The following ZMAT3 variants were observed in gnomAD, a reference collection of about 807,000 sequenced individuals.
ZMAT3 encodes the protein zinc finger matrin-type protein 3.
In ZMAT3, 17 loss-of-function variants were observed where a neutral mutation model predicts 32.3. The ratio of observed to expected loss-of-function variants is 0.53; its 90% confidence interval spans 0.36 to 0.79. The LOEUF (loss-of-function observed/expected upper bound fraction) is 0.79. Among genes scored for constraint, ZMAT3 ranks in the 30% least tolerant of loss-of-function variants. The pLI is 0.00. For synonymous variants in ZMAT3, 120 were observed against 133.1 expected (o/e 0.90, Z 0.68); for missense variants, 329 against 359.7 (o/e 0.91, Z 0.69).
rs202046192 is a variant in ZMAT3, at chr3:179,031,910, TAA to T, written c.271-913_271-912del. Among the ~76,000 whole-genome samples the T allele has an allele frequency of 3.7e-3, 115 of 30,804 alleles. 13 individuals are homozygous for T. Among genetic ancestry groups the T allele is most frequent in the African/African-American group, 8.4e-3 (65 of 7,782 alleles). 20.2% of individuals were successfully genotyped at this position (30,804 alleles called of 152,430 possible). A position where few individuals can be genotyped will look rare whatever the true frequency, so the allele number is the denominator to read the frequency against. The stretch of plus-strand genomic sequence containing the variant: ...TGACAAAGTTAGATTCTGTCTCAAA[TAA>T]AAAAAAAAAAAACTCTCCCTCTCCC... On this transcript the variant is annotated intron_variant, in intron 2 of 5. Transcript: ENST00000311417.
Position 179,025,372 on chromosome 3 carries a change from A to T in ZMAT3, c.659-144T>A, listed in dbSNP as rs1044044067. On this transcript the variant is annotated intron_variant, in intron 5 of 5. Transcript: ENST00000311417. ...CTTTAAGTGAATGTGAAGTTAATGG[A>T]TTTTTAAAATTACAATTTTACACAG... 1.3e-5 allele frequency: 9 copies of T among 712,374 alleles called. No homozygotes were observed. In the African/African-American group the frequency reaches 1.6e-4, roughly 13 times the overall value. The allele number at this position is 712,374 out of a possible 1,614,324, so 44.1% of individuals were successfully genotyped here.
chr3:179,068,644 G>C (rs1721549672), intron 1 of ZMAT3, among the ~76,000 whole-genome samples: 1 of 152,124 alleles, frequency 6.6e-6, no homozygotes. Context: ...TAAAATTTCA[G>C]GGAACTCTAG....
At chr3:179,035,280 A>T (rs768176097) in intron 2 of ZMAT3, among the ~76,000 whole-genome samples, 7 of 152,206 alleles carry the variant, frequency 4.6e-5, no homozygotes, top group Non-Finnish European at 8.8e-5. Context: ...GCCTTATGTC[A>T]GACAGCACTC....
chr3:179,045,500 C>G (rs1277552440), intron 2 of ZMAT3, among the ~76,000 whole-genome samples: 1 of 151,828 alleles, frequency 6.6e-6, no homozygotes, highest in African/African-American at 2.4e-5. Flanking sequence ...GGTCTCATAA[C>G]AAAATACTGA....
chr3:179,023,695 T>TATATA lies in ZMAT3; in HGVS notation c.*1321_*1322insTATAT, dbSNP rs1560081290. On this transcript the variant is annotated 3_prime_UTR_variant, in exon 6 of 6. Coordinates refer to ENST00000311417, the MANE Select transcript of ZMAT3 (RefSeq NM_022470.4). ...TTCCTAAAAACTGCTGGAAAATATA[T>TATATA]CTATATATATATATATTTTTTTTTT... 5 of 16,498 alleles carry TATATA rather than the reference T, an allele frequency of 3.0e-4. No individual in the cohort carries two copies. Among genetic ancestry groups the TATATA allele is most frequent in the African/African-American group, 2.7e-3 (5 of 1,836 alleles). The allele number at this position is 16,498 out of a possible 1,614,324, so 1.0% of individuals were successfully genotyped here.
intron 2 of ZMAT3, among the ~76,000 whole-genome samples, chr3:179,061,578 C>T (rs1721153131): frequency 6.6e-6 from 1 of 151,720 alleles, no homozygotes; most frequent in African/African-American, 2.4e-5. Flanking sequence ...AGATTCTTCT[C>T]TCTAGTTTTT....
rs1191038862 is a variant in ZMAT3 at position 179,017,392 on chromosome 3, A to G, written c.*7625T>C. On this transcript the variant is annotated 3_prime_UTR_variant, in exon 6 of 6. Transcript: ENST00000311417. ...AATAAGTTTCAGATTTCTATACTCA[A>G]TATGCTAAAGAAAATAAAACCGAAA... 1 of 152,200 alleles carries G rather than the reference A, an allele frequency of 6.6e-6. No homozygotes were observed. The highest frequency in any genetic ancestry group is 1.5e-5 in the Non-Finnish European group (1 of 68,030). The allele number at this position is 152,200 out of a possible 1,614,324, so 9.4% of individuals were successfully genotyped here. A position where few individuals can be genotyped will look rare whatever the true frequency, so the allele number is the denominator to read the frequency against.
In ZMAT3 at chr3:179,018,717, G is replaced by A. The variant is rs555929505; in HGVS notation, c.*6300C>T. 35 of 152,150 alleles carry A rather than the reference G, an allele frequency of 2.3e-4. No homozygotes were observed. Among genetic ancestry groups the A allele is most frequent in the Non-Finnish European group, 4.1e-4 (28 of 67,970 alleles). 9.4% of individuals were successfully genotyped at this position (152,150 alleles called of 1,614,324 possible). On this transcript the variant is annotated 3_prime_UTR_variant, in exon 6 of 6. Coordinates refer to ENST00000311417, the MANE Select transcript of ZMAT3 (RefSeq NM_022470.4). The stretch of plus-strand genomic sequence containing the variant: ...TGTAAAAATAATTTTTTCTAAACAT[G>A]ACTACAATAAAGCTAAAGATGGTTA...
chr3:179,060,496 T>C (rs1480843479), intron 2 of ZMAT3, among the ~76,000 whole-genome samples: 1 of 152,040 alleles, frequency 6.6e-6, no homozygotes, highest in Non-Finnish European at 1.5e-5. Flanking sequence ...ACAAAAAAAT[T>C]AGCTGGGCGT....
chr3:179,027,470 T>G lies in ZMAT3; in HGVS notation c.611A>C (p.Lys204Thr). ...CATATTTCTCCTGTTAGGCATCATC[T>G]TAAACTCATTCCCTTCTTTCCTGGC... is the stretch of plus-strand genomic sequence containing the variant. ...RRARKEGNEF[K>T]MMPNRRNMYT... Residue 204 changes from lysine to threonine, a missense_variant, in exon 5 of 6, where the codon AAG becomes ACG. Coordinates refer to ENST00000311417, the MANE Select transcript of ZMAT3 (RefSeq NM_022470.4). 3 of 1,614,242 alleles carry G rather than the reference T, an allele frequency of 1.9e-6. No individual in the cohort carries two copies. The highest frequency in any genetic ancestry group is 2.5e-6 in the Non-Finnish European group (3 of 1,180,032).
Position 179,046,131 on chromosome 3 carries a change from C to A in ZMAT3, c.271-15132G>T, listed in dbSNP as rs972326373. Among the ~76,000 whole-genome samples, 2 of 151,928 alleles carry A rather than the reference C, an allele frequency of 1.3e-5. No individual in the cohort carries two copies. Among genetic ancestry groups the A allele is most frequent in the Non-Finnish European group, 2.9e-5 (2 of 67,988 alleles). On this transcript the variant is annotated intron_variant, in intron 2 of 5. Transcript: ENST00000311417. The surrounding 1 kb of genome is among the most constrained non-coding windows in gnomAD (Gnocchi z 4.3). ...GGATTTTAGAGGCTTGTCTGTATGA[C>A]AACAGGAAGAAGTCACTAAAAGCAG...
chr3:179,024,797 G>C lies in ZMAT3; in HGVS notation c.*220C>G, dbSNP rs1395629172. The C allele has an allele frequency of 3.5e-5, 19 of 536,088 alleles. No homozygotes were observed. Among genetic ancestry groups the C allele is most frequent in the Non-Finnish European group, 5.7e-5 (17 of 296,682 alleles). 33.2% of individuals were successfully genotyped at this position (536,088 alleles called of 1,614,324 possible). A position where few individuals can be genotyped will look rare whatever the true frequency, so the allele number is the denominator to read the frequency against. The stretch of plus-strand genomic sequence containing the variant: ...TGAGCGGCTCAACACCATTGACCCT[G>C]CAAAAGCGTTATGACCTAAGAAGCA... On this transcript the variant is annotated 3_prime_UTR_variant, in exon 6 of 6. Transcript: ENST00000311417.
At position 179,030,953 on chromosome 3, in the gene ZMAT3, C is replaced by CT. The variant is rs1301867647; in HGVS notation, c.316dup (p.Ser106LysfsTer7). On this transcript the variant is annotated frameshift_variant, in exon 3 of 6. Coordinates refer to ENST00000311417, the MANE Select transcript of ZMAT3 (RefSeq NM_022470.4). LOFTEE classifies it high-confidence loss of function. ...GCTCATTCTAGCAGGAGGAGGACAG[C>CT]TATTTGCTGCATAGTAATTTCGGAG... 1 of 1,613,736 alleles carries CT rather than the reference C, an allele frequency of 6.2e-7. No individual in the cohort carries two copies. Among genetic ancestry groups the CT allele is most frequent in the Non-Finnish European group, 8.5e-7 (1 of 1,179,848 alleles).
At position 179,071,068 on chromosome 3, in the gene ZMAT3, A is replaced by C. The variant is rs544017030; in HGVS notation, c.-58+527T>G. On this transcript the variant is annotated intron_variant, in intron 1 of 5. Coordinates refer to ENST00000311417, the MANE Select transcript of ZMAT3 (RefSeq NM_022470.4). Reference sequence around the variant, plus strand: ...TCAGAACGCAGCAAGAAGGAATGAGAGGGAGAAAAGTTAAAAAAAATAATA... The same window carrying C: ...TCAGAACGCAGCAAGAAGGAATGAGCGGGAGAAAAGTTAAAAAAAATAATA... Among the ~76,000 whole-genome samples the C allele has an allele frequency of 2.9e-3, 441 of 152,186 alleles. 1 individual carries two copies. The highest frequency in any genetic ancestry group is 4.4e-3 in the Non-Finnish European group (297 of 68,010).
intron 1 of ZMAT3, among the ~76,000 whole-genome samples, chr3:179,068,957 T>C (rs1385596738): frequency 6.6e-6 from 1 of 152,206 alleles, no homozygotes; most frequent in Non-Finnish European, 1.5e-5. Context: ...CTGTGCCCTC[T>C]AGCGAGGCCT....
At chr3:179,065,680 C>T (rs1482219995) in intron 2 of ZMAT3, among the ~76,000 whole-genome samples, 1 of 152,176 alleles carries the variant, frequency 6.6e-6, no homozygotes, top group African/African-American at 2.4e-5. Flanking sequence ...AGGTCACTCA[C>T]GCCTGTAATC....
chr3:179,067,758 A>G lies in ZMAT3; in HGVS notation c.-6T>C, dbSNP rs1576882700. 1 of 1,613,590 alleles carries G rather than the reference A, an allele frequency of 6.2e-7. No homozygotes were observed. The highest frequency in any genetic ancestry group is 1.3e-5 in the African/African-American group (1 of 75,048). ...GCGTGTTGCAAGAGGATCATTGGGT[A>G]GGGAAGCCTGGGGCATAATCCAGTG... On this transcript the variant is annotated 5_prime_UTR_variant, in exon 2 of 6. Coordinates refer to ENST00000311417, the MANE Select transcript of ZMAT3 (RefSeq NM_022470.4).
intron 5 of ZMAT3, among the ~76,000 whole-genome samples, chr3:179,027,199 A>G (rs1044490933): frequency 3.9e-5 from 6 of 152,230 alleles, no homozygotes; most frequent in Non-Finnish European, 7.3e-5. Context: ...CCTAAAACAC[A>G]GACTATAGTG....
chr3:179,067,526 T>C lies in ZMAT3; in HGVS notation c.227A>G (p.Asn76Ser), dbSNP rs144290178. The C allele has an allele frequency of 9.3e-6, 15 of 1,614,216 alleles. No individual in the cohort carries two copies. Among genetic ancestry groups the C allele is most frequent in the East Asian group, 8.9e-5 (4 of 44,882 alleles). The change falls in exon 2 of 6, where the codon AAT becomes AGT. Residue 76 changes from asparagine (N) to serine (S), a missense_variant. Physicochemically the swap from Asn to Ser is conservative, Grantham distance 46. Coordinates refer to ENST00000311417, the MANE Select transcript of ZMAT3 (RefSeq NM_022470.4). ...LCKPLYCKLCNVTLNSAQQAQ... is the reference protein window; with the variant it reads ...LCKPLYCKLCSVTLNSAQQAQ... ...TTGCTGTGCAGAGTTCAAGGTGACA[T>C]TGCAGAGTTTGCAGTACAGGGGCTT...
Sources: gnomAD v4.1 joint callset for allele counts (sites outside exome capture counted in the v4.1 genomes callset) on GRCh38, gnomAD v4.1.1 for gene constraint, Gnocchi (gnomAD v3.1) non-coding constraint, MANE v1.5 for transcripts, NCBI Gene and HGNC (gene_info 2026-07-23, HGNC 2026-07-21) for gene names.